Variants in OCA2 observed in about 807,000 individuals in gnomAD.
OCA2 encodes OCA2 melanosomal transmembrane protein, also known as P protein.
OCA2 carries 77 observed loss-of-function variants against 100.2 expected under a neutral mutation model. The ratio of observed to expected loss-of-function variants is 0.77; its 90% CI spans 0.64 to 0.93. OCA2 has a LOEUF of 0.93. OCA2 is among the 40% of genes least tolerant of loss of function. The pLI is 0.00. For missense variants in OCA2, 1,062 were observed against 1,089.1 expected, an observed-to-expected ratio of 0.98 and a Z score of 0.35; for synonymous variants, 432 against 439.2, an observed-to-expected ratio of 0.98 and a Z score of 0.21.
chr15:27,784,463 G>A (rs756547677), intron 23 of OCA2, among the ~76,000 whole-genome samples: 42 of 152,224 alleles, frequency 2.8e-4, no homozygotes, highest in Admixed American at 2.1e-3. Context: ...AAAATTTTGT[G>A]ACATATAAAT....
chr15:27,726,632 T>C, the OCA2 span, among the ~76,000 whole-genome samples: 1 of 152,188 alleles, frequency 6.6e-6, no homozygotes, highest in African/African-American at 2.4e-5. Flanking sequence ...TTTGTGCTAC[T>C]TCTGTCCTGC....
Position 27,868,319 on chromosome 15 carries a change from A to T in OCA2, c.2244+2835T>A, listed in dbSNP as rs537121040. On this transcript the variant is annotated intron_variant, in intron 21 of 23. Transcript: ENST00000354638. ...AGACATGGGAAAAACTTGCGTGTCCACTGATGGACATGTGGATAAAGAAAA... is the reference window on the plus strand; with the variant it reads ...AGACATGGGAAAAACTTGCGTGTCCTCTGATGGACATGTGGATAAAGAAAA... Among the ~76,000 whole-genome samples, 5 of 152,346 alleles carry T rather than the reference A, an allele frequency of 3.3e-5. No individual in the cohort carries two copies. In the East Asian group the frequency reaches 9.6e-4, roughly 29 times the overall value.
At chr15:27,940,028 A>G (rs560357614) in intron 18 of OCA2, among the ~76,000 whole-genome samples, 1 of 152,272 alleles carries the variant, frequency 6.6e-6, no homozygotes, top group South Asian at 2.1e-4. Context: ...CCTGAGAAAC[A>G]CACCCAGCTC....
At chr15:28,079,085 A>T (rs1343679455) in intron 2 of OCA2, among the ~76,000 whole-genome samples, 1 of 152,214 alleles carries the variant, frequency 6.6e-6, no homozygotes, top group Non-Finnish European at 1.5e-5. Context: ...AGGCCAGTAC[A>T]GTCCCCCAAA....
Position 27,840,153 on chromosome 15 carries a change from T to G in OCA2, c.2432+4806A>C, listed in dbSNP as rs1034689256. On this transcript the variant is annotated intron_variant, in intron 23 of 23. Coordinates refer to ENST00000354638, the MANE Select transcript of OCA2 (RefSeq NM_000275.3). ...CAAATAAAAATAAATGAAATAAATT[T>G]GAAATTTGAAAAAACTAAAGAACAG... Among the ~76,000 whole-genome samples, 5 of 151,968 alleles carry G rather than the reference T, an allele frequency of 3.3e-5. No individual in the cohort carries two copies. The East Asian group carries it at 9.6e-4, about 29-fold the overall frequency.
chr15:27,824,853 G>A (rs1202482005), intron 23 of OCA2, among the ~76,000 whole-genome samples: 5 of 151,692 alleles, frequency 3.3e-5, no homozygotes, highest in South Asian at 2.1e-4. Context: ...ACAGGCCTCC[G>A]TGGATGCCAA....
intron 23 of OCA2, among the ~76,000 whole-genome samples, chr15:27,818,511 A>T (rs1363963868): frequency 6.6e-6 from 1 of 152,218 alleles, no homozygotes; most frequent in Non-Finnish European, 1.5e-5. Context: ...GCCACAAAAG[A>T]GTTGTCATGC....
chr15:27,956,978 C>T (rs574957087), intron 16 of OCA2, among the ~76,000 whole-genome samples: 97 of 152,346 alleles, frequency 6.4e-4, no homozygotes, highest in Non-Finnish European at 1.2e-3. Context: ...GCTGTGGGGA[C>T]GCTTCAGCTT....
the OCA2 span, among the ~76,000 whole-genome samples, chr15:27,743,811 G>A: frequency 4.3e-4 from 65 of 152,064 alleles, no homozygotes; most frequent in African/African-American, 1.5e-3. Flanking sequence ...CTTGGCTTTC[G>A]GCAGCCTCCT....
intron 22 of OCA2, among the ~76,000 whole-genome samples, 168 bp downstream of exon 22, chr15:27,851,214 G>A (rs957984678): frequency 6.6e-6 from 1 of 152,176 alleles, no homozygotes; most frequent in African/African-American, 2.4e-5. Flanking sequence ...GGGAAGGAAC[G>A]GAGTTGCTCT....
At chr15:27,885,278 TCCTG>T (rs2037179320) in intron 19 of OCA2, among the ~76,000 whole-genome samples, 1 of 152,216 alleles carries the variant, frequency 6.6e-6, no homozygotes, top group African/African-American at 2.4e-5. Flanking sequence ...AGAGCCTTTA[TCCTG>T]CCTATTATCA....
chr15:28,037,265 G>A (rs1367395895), intron 2 of OCA2, among the ~76,000 whole-genome samples: 2 of 151,824 alleles, frequency 1.3e-5, no homozygotes, highest in Admixed American at 6.6e-5. Flanking sequence ...AGAAGTCAGA[G>A]GGCAGGAAGG....
intron 21 of OCA2, among the ~76,000 whole-genome samples, chr15:27,859,080 C>T (rs2036040476): frequency 6.6e-6 from 1 of 151,814 alleles, no homozygotes; most frequent in African/African-American, 2.4e-5. Context: ...AGAAGAAATA[C>T]CTCAAATAAA....
intron 21 of OCA2, among the ~76,000 whole-genome samples, chr15:27,855,979 G>A (rs1487775314): frequency 2.0e-5 from 3 of 152,160 alleles, no homozygotes; most frequent in African/African-American, 4.8e-5. Context: ...ATTGCCGCAC[G>A]GCTCTGAAGG....
intron 18 of OCA2, among the ~76,000 whole-genome samples, chr15:27,940,596 AC>A (rs35078127): frequency 0.16 from 24,544 of 152,228 alleles, 3,470 homozygotes; most frequent in East Asian, 0.79. Context: ...AGCTTCCAAG[AC>A]AGCAGGGCCA....
chr15:27,968,236 C>T (rs999740684), intron 14 of OCA2, among the ~76,000 whole-genome samples: 5 of 152,204 alleles, frequency 3.3e-5, no homozygotes, highest in Admixed American at 3.3e-4. Flanking sequence ...AGGCTCTTAT[C>T]CCCATGAAGC....
At chr15:27,788,275 G>A (rs1253159327) in intron 23 of OCA2, among the ~76,000 whole-genome samples, 2 of 151,874 alleles carry the variant, frequency 1.3e-5, no homozygotes, top group East Asian at 3.9e-4. Context: ...CTATAGCCTT[G>A]CTAATTTTTC....
chr15:28,091,001 C>G (rs2044861267), intron 1 of OCA2, among the ~76,000 whole-genome samples: 2 of 152,004 alleles, frequency 1.3e-5, no homozygotes, highest in South Asian at 2.1e-4. Flanking sequence ...AGGAGTGAAA[C>G]AGGAAATACC....
At chr15:28,022,327 C>T (rs2141295368) in intron 6 of OCA2, among the ~76,000 whole-genome samples, 174 bp downstream of exon 6, 1 of 152,312 alleles carries the variant, frequency 6.6e-6, no homozygotes, top group East Asian at 1.9e-4. Flanking sequence ...CCTGGAGCTC[C>T]CCGCCCCTCT....
Sources: allele counts gnomAD v4.1 joint callset (sites outside exome capture counted in the v4.1 genomes callset), GRCh38; gene constraint gnomAD v4.1.1; transcripts MANE v1.5; gene names NCBI Gene and HGNC (gene_info 2026-07-23, HGNC 2026-07-21).